The following KCNMA1 variants were observed in gnomAD, a reference collection of about 807,000 sequenced individuals.
KCNMA1 encodes potassium calcium-activated channel subfamily M alpha 1.
In KCNMA1, 29 loss-of-function variants were observed where a neutral mutation model predicts 140.0. The observed-to-expected ratio is 0.21, with a 90% CI of 0.15 to 0.28. The LOEUF (loss-of-function observed/expected upper bound fraction) is 0.28, where lower values mean the gene tolerates loss of function less well. Ranked by LOEUF, KCNMA1 falls within the 10% of genes least tolerant of loss-of-function variation. KCNMA1 has a pLI of 1.00. For missense variants in KCNMA1, 880 were observed against 1,602.2 expected, an observed-to-expected ratio of 0.55 and a Z score of 7.70; for synonymous variants, 612 against 611.9, an observed-to-expected ratio of 1.00 and a Z score of 0.00.
At chr10:76,940,994 A>AAGG in intron 23 of KCNMA1, among the ~76,000 whole-genome samples, 2 of 52,316 alleles carry the variant, frequency 3.8e-5, no homozygotes, top group South Asian at 1.1e-3. Context: ...AGAAAGAGAG[A>AAGG]AAGAAAGGAA....
intron 13 of KCNMA1, among the ~76,000 whole-genome samples, chr10:77,073,577 T>A (rs2096283513): frequency 6.6e-6 from 1 of 152,174 alleles, no homozygotes; most frequent in Non-Finnish European, 1.5e-5. Context: ...ATCATTAAGT[T>A]GAGTCCTCTA....
At chr10:77,137,526 C>A (rs933832246) in intron 5 of KCNMA1, among the ~76,000 whole-genome samples, 3 of 152,108 alleles carry the variant, frequency 2.0e-5, no homozygotes, top group Admixed American at 6.5e-5. Flanking sequence ...TCCCCTGCAC[C>A]CTTCTGCCAT....
At chr10:77,410,405 G>A (rs1419154976) in intron 1 of KCNMA1, among the ~76,000 whole-genome samples, 1 of 152,186 alleles carries the variant, frequency 6.6e-6, no homozygotes, top group Non-Finnish European at 1.5e-5. Flanking sequence ...CCCGCCTTGA[G>A]GGGATCCCAG....
intron 2 of KCNMA1, among the ~76,000 whole-genome samples, chr10:77,287,769 T>G (rs2154304696): frequency 6.6e-6 from 1 of 152,260 alleles, no homozygotes; most frequent in Middle Eastern, 3.4e-3. Context: ...ATCCAGCACC[T>G]CACACACATT....
At chr10:77,314,923 AACACACACACACACACACAC>A (rs3998084) in intron 2 of KCNMA1, among the ~76,000 whole-genome samples, 14 of 146,250 alleles carry the variant, frequency 9.6e-5, no homozygotes, top group African/African-American at 2.8e-4. Context: ...CCACACCCCC[AACACACACACACACACACAC>A]ACACACACAC....
Position 76,953,834 on chromosome 10 carries a change from C to A in KCNMA1, c.2451G>T (p.Trp817Cys). The change falls in exon 21 of 28, where the codon TGG becomes TGT. Residue 817 changes from tryptophan (W) to cysteine (C), a missense_variant. Physicochemically the swap from Trp to Cys is radical, Grantham distance 215. This residue lies in a region of KCNMA1 where 82 missense variants were observed against 170.1 expected (regional missense o/e 0.48). Coordinates refer to ENST00000286628, the MANE Select transcript of KCNMA1 (RefSeq NM_001161352.2). The stretch of plus-strand genomic sequence containing the variant: ...CTTTCTCTATCTCCTTGGGTGCACA[C>A]CAGTGAAACATCCCAGTAGAGTCGT... ...KKYDSTGMFH[W>C]CAPKEIEKVI... is the part of the protein sequence containing the mutation. 6.2e-7 allele frequency: 1 copy of A among 1,614,080 alleles called. No individual in the cohort carries two copies. Among genetic ancestry groups the A allele is most frequent in the Non-Finnish European group, 8.5e-7 (1 of 1,179,974 alleles).
intron 20 of KCNMA1, among the ~76,000 whole-genome samples, chr10:76,955,514 C>T (rs1047913685): frequency 3.9e-5 from 6 of 152,260 alleles, no homozygotes; most frequent in Non-Finnish European, 5.9e-5. Context: ...TTATCTTCAA[C>T]GAACATGCTA....
chr10:77,097,503 T>A (rs1237311913), intron 9 of KCNMA1, among the ~76,000 whole-genome samples: 1 of 152,166 alleles, frequency 6.6e-6, no homozygotes, highest in African/African-American at 2.4e-5. Flanking sequence ...TATCCCATGG[T>A]AAGTGCAGAA....
At chr10:77,459,393 T>C (rs2097816610) in intron 1 of KCNMA1, among the ~76,000 whole-genome samples, 1 of 152,234 alleles carries the variant, frequency 6.6e-6, no homozygotes, top group Non-Finnish European at 1.5e-5. Flanking sequence ...ATTTGTGATC[T>C]ACAGCAGGCA....
intron 1 of KCNMA1, chr10:77,636,084 C>A: frequency 1.9e-6 from 1 of 526,974 alleles, no homozygotes; most frequent in Non-Finnish European, 2.9e-6. Flanking sequence ...GTGGAGGCTG[C>A]AATGTGTATC....
chr10:77,320,685 C>T (rs765157846), intron 2 of KCNMA1, among the ~76,000 whole-genome samples: 30 of 152,288 alleles, frequency 2.0e-4, no homozygotes, highest in Admixed American at 1.0e-3. Flanking sequence ...CACTTGAGAA[C>T]AGCAGACACA....
At chr10:77,345,118 G>C (rs755088621) in intron 2 of KCNMA1, among the ~76,000 whole-genome samples, 1 of 152,164 alleles carries the variant, frequency 6.6e-6, no homozygotes, top group Non-Finnish European at 1.5e-5. Flanking sequence ...TGCTTTGTTG[G>C]TATAAATATT....
At chr10:77,376,618 A>C (rs1210949431) in intron 2 of KCNMA1, 4 of 91,372 alleles carry the variant, frequency 4.4e-5, no homozygotes, top group African/African-American at 1.6e-4. Context: ...CTGCCACATA[A>C]GTTTTTTTTT....
chr10:77,063,790 G>C (rs757867465), intron 14 of KCNMA1: 55 of 985,130 alleles, frequency 5.6e-5, no homozygotes, highest in Non-Finnish European at 6.4e-5. Flanking sequence ...TTGGAAGAGT[G>C]GGGAGGCAGA....
Position 77,352,511 on chromosome 10 carries a change from A to C in KCNMA1, c.540+51351T>G, listed in dbSNP as rs775703123. Among the ~76,000 whole-genome samples the C allele has an allele frequency of 1.5e-3, 228 of 152,348 alleles. 5 individuals are homozygous for C. The highest frequency in any genetic ancestry group is 3.4e-3 in the Middle Eastern group (1 of 294). The stretch of plus-strand genomic sequence containing the variant: ...TGAGTACTCAAAAGGTGGCTAATGC[A>C]AAGAGAAACTGAACCTGTAATTTCA... On this transcript the variant is annotated intron_variant, in intron 2 of 27. Coordinates refer to ENST00000286628, the MANE Select transcript of KCNMA1 (RefSeq NM_001161352.2).
chr10:77,066,500 T>C (rs1401874184), intron 14 of KCNMA1, among the ~76,000 whole-genome samples: 1 of 152,124 alleles, frequency 6.6e-6, no homozygotes, highest in East Asian at 1.9e-4. Context: ...GATTGTGGAA[T>C]GGTAAGTCTG....
intron 1 of KCNMA1, among the ~76,000 whole-genome samples, chr10:77,416,960 G>C (rs2096755431): frequency 6.6e-6 from 1 of 152,154 alleles, no homozygotes; most frequent in South Asian, 2.1e-4. Context: ...TGATCTTCAA[G>C]GCCTGGAGCT....
At chr10:77,506,620 T>TGTGTGTGTGTGTGTGTGTG (rs1567212074) in intron 1 of KCNMA1, among the ~76,000 whole-genome samples, 5 of 104,192 alleles carry the variant, frequency 4.8e-5, no homozygotes, top group South Asian at 6.4e-4. Flanking sequence ...TGTGTGTGTG[T>TGTGTGTGTGTGTGTGTGTG]TAGAGAGGGA....
intron 5 of KCNMA1, among the ~76,000 whole-genome samples, chr10:77,167,172 T>C (rs1439884303): frequency 4.8e-5 from 7 of 147,264 alleles, no homozygotes; most frequent in African/African-American, 1.7e-4. Flanking sequence ...CTACTCTCTA[T>C]CTTCATGAGA....
Sources: gnomAD v4.1 joint callset for allele counts (sites outside exome capture counted in the v4.1 genomes callset) on GRCh38, gnomAD v4.1.1 for gene constraint, gnomAD v4.1.1 regional missense constraint, MANE v1.5 for transcripts, NCBI Gene and HGNC (gene_info 2026-07-23, HGNC 2026-07-21) for gene names.